The following MYO18B variants were observed in gnomAD, a reference collection of about 807,000 sequenced individuals.
The protein encoded by MYO18B is myosin XVIIIB.
In MYO18B, 204 loss-of-function variants were observed where a neutral mutation model predicts 273.0. That is an observed-to-expected ratio of 0.75 (90% CI 0.67 to 0.84). The LOEUF (loss-of-function observed/expected upper bound fraction) is 0.84, where lower values mean the gene tolerates loss of function less well. Ranked by LOEUF, MYO18B falls within the 40% of genes least tolerant of loss-of-function variation. The probability of loss-of-function intolerance (pLI) is 0.00; values close to 1 mark genes in which losing one functional copy is unlikely to be tolerated. For synonymous variants in MYO18B, 1,330 were observed against 1,305.7 expected (o/e 1.02, Z -0.40); for missense variants, 3,212 against 3,287.6 (o/e 0.98, Z 0.56).
At chr22:25,918,429 C>A (rs1229987283) in intron 33 of MYO18B, among the ~76,000 whole-genome samples, 1 of 152,234 alleles carries the variant, frequency 6.6e-6, no homozygotes, top group Non-Finnish European at 1.5e-5. Context: ...TAATTATTCA[C>A]CATCTTTATC....
At chr22:25,755,911 T>C (rs530011922) in intron 1 of MYO18B, among the ~76,000 whole-genome samples, 42 of 152,064 alleles carry the variant, frequency 2.8e-4, no homozygotes, top group South Asian at 1.2e-3. Flanking sequence ...TTCTTTCTTT[T>C]TTTTTTCTTT....
At chr22:26,056,556 C>A in the MYO18B span, among the ~76,000 whole-genome samples, 1 of 152,332 alleles carries the variant, frequency 6.6e-6, no homozygotes, top group East Asian at 1.9e-4. Flanking sequence ...TCAATTTGAG[C>A]CACAAGAATC....
At chr22:26,004,217 A>C (rs1934229592) in intron 41 of MYO18B, among the ~76,000 whole-genome samples, 1 of 151,778 alleles carries the variant, frequency 6.6e-6, no homozygotes, top group African/African-American at 2.4e-5. Context: ...ACCTGTGACG[A>C]CCCCCTCTCT....
chr22:25,893,171 C>T lies in MYO18B; in HGVS notation c.4543+1759C>T, dbSNP rs575730033. On this transcript the variant is annotated intron_variant, in intron 27 of 43. Coordinates refer to ENST00000335473, the MANE Select transcript of MYO18B (RefSeq NM_032608.7). Reference sequence around the variant, plus strand: ...TTTTAATCATATCATCGCAGTGGTACCACAACCACCTCTATGGTTCAAGAT... The same window carrying T: ...TTTTAATCATATCATCGCAGTGGTATCACAACCACCTCTATGGTTCAAGAT... Among the ~76,000 whole-genome samples, 3 of 152,208 alleles carry T rather than the reference C, an allele frequency of 2.0e-5. No homozygotes were observed. The South Asian group carries it at 6.2e-4, about 32-fold the overall frequency.
intron 12 of MYO18B, among the ~76,000 whole-genome samples, chr22:25,804,724 G>A (rs538909687): frequency 6.6e-6 from 1 of 152,224 alleles, no homozygotes; most frequent in Non-Finnish European, 1.5e-5. Flanking sequence ...CAGGGCAACT[G>A]TACTTTGCTC....
rs1402140158 is a variant in MYO18B, at chr22:25,758,571, A to G, written c.-109-2413A>G. Among the ~76,000 whole-genome samples the G allele has an allele frequency of 5.9e-5, 9 of 152,156 alleles. No individual in the cohort carries two copies. In the South Asian group the frequency reaches 8.3e-4, roughly 14 times the overall value. On this transcript the variant is annotated intron_variant, in intron 1 of 43. Coordinates refer to ENST00000335473, the MANE Select transcript of MYO18B (RefSeq NM_032608.7). ...CACACAGGAGCGTGGATGAATGTCA[A>G]AAACATGCAAAGTGAAAGCGGCCAG...
intron 34 of MYO18B, among the ~76,000 whole-genome samples, 163 bp downstream of exon 34, chr22:25,921,572 G>C (rs1358410970): frequency 1.3e-5 from 2 of 152,148 alleles, no homozygotes; most frequent in Non-Finnish European, 2.9e-5. Context: ...AGGGTCATGT[G>C]GAGTGTAGGT....
At position 25,828,825 on chromosome 22, in the gene MYO18B, T is replaced by A; in HGVS notation, c.2836T>A (p.Ser946Thr). The stretch of plus-strand genomic sequence containing the variant: ...CATGGCCTCCATCATGGTGGTGGAC[T>A]CTCCAGGCTTCCAGAACCCCCGGCA... ...LSMASIMVVD[S>T]PGFQNPRHQG... is the part of the protein sequence containing the mutation. Residue 946 changes from serine to threonine, a missense_variant, in exon 15 of 44, where the codon TCT becomes ACT. By Grantham distance (58) the Ser-to-Thr change is moderately conservative. Transcript: ENST00000335473. 1 of 1,613,894 alleles carries A rather than the reference T, an allele frequency of 6.2e-7. No homozygotes were observed. The highest frequency in any genetic ancestry group is 8.5e-7 in the Non-Finnish European group (1 of 1,179,874).
chr22:26,053,263 C>T, the MYO18B span, among the ~76,000 whole-genome samples: 3 of 152,190 alleles, frequency 2.0e-5, no homozygotes, highest in Middle Eastern at 3.2e-3. Context: ...TCATCATCAA[C>T]CATCCTCATC....
chr22:25,796,405 C>A (rs1358459199), intron 11 of MYO18B, among the ~76,000 whole-genome samples: 2 of 151,584 alleles, frequency 1.3e-5, no homozygotes, highest in East Asian at 3.9e-4. Context: ...GGCAACATAG[C>A]GAGACCCCAT....
At chr22:25,825,016 G>C (rs566072093) in intron 13 of MYO18B, among the ~76,000 whole-genome samples, 13 of 151,924 alleles carry the variant, frequency 8.6e-5, no homozygotes, top group African/African-American at 2.9e-4. Context: ...CATGTGCACA[G>C]ATATATATAT....
chr22:25,987,414 G>A (rs1441796536), intron 39 of MYO18B, among the ~76,000 whole-genome samples: 3 of 152,116 alleles, frequency 2.0e-5, no homozygotes, highest in Admixed American at 1.3e-4. Flanking sequence ...AGGTCGGCAA[G>A]TATGCATATT....
the MYO18B span, among the ~76,000 whole-genome samples, chr22:26,046,201 A>C: frequency 6.6e-6 from 1 of 152,312 alleles, no homozygotes; most frequent in South Asian, 2.1e-4. Flanking sequence ...AAAATACAGC[A>C]ACTGTCAAAA....
chr22:25,873,902 A>G (rs1208061144), intron 22 of MYO18B, among the ~76,000 whole-genome samples: 1 of 152,168 alleles, frequency 6.6e-6, no homozygotes, highest in Non-Finnish European at 1.5e-5. Flanking sequence ...TGCACAGAAC[A>G]GTTTAGGCAA....
intron 39 of MYO18B, among the ~76,000 whole-genome samples, chr22:25,979,752 C>A (rs962970404): frequency 6.6e-6 from 1 of 152,102 alleles, no homozygotes; most frequent in Non-Finnish European, 1.5e-5. Context: ...GACTGAAAAA[C>A]CCAAGGTAGA....
At chr22:25,862,836 A>G (rs1018615977) in intron 21 of MYO18B, among the ~76,000 whole-genome samples, 1 of 140,342 alleles carries the variant, frequency 7.1e-6, no homozygotes, top group Non-Finnish European at 1.5e-5. Flanking sequence ...GGATGCATAG[A>G]CTTTTTTTTT....
intron 39 of MYO18B, among the ~76,000 whole-genome samples, chr22:25,985,077 G>C (rs921042958): frequency 1.3e-5 from 2 of 152,190 alleles, no homozygotes; most frequent in African/African-American, 4.8e-5. Context: ...TGGGACCTTT[G>C]ATGAGTCTCT....
At chr22:26,044,435 T>C in the MYO18B span, among the ~76,000 whole-genome samples, 2 of 152,262 alleles carry the variant, frequency 1.3e-5, no homozygotes, top group Admixed American at 1.3e-4. Flanking sequence ...CTCATCTTTT[T>C]CTTCCAGCAT....
intron 39 of MYO18B, among the ~76,000 whole-genome samples, chr22:25,978,983 T>C (rs1347218889): frequency 3.3e-5 from 5 of 152,142 alleles, no homozygotes; most frequent in Admixed American, 2.6e-4. Flanking sequence ...TAGGAGATGA[T>C]GATGAAGACT....
Sources: allele counts gnomAD v4.1 joint callset (sites outside exome capture counted in the v4.1 genomes callset), GRCh38; gene constraint gnomAD v4.1.1; transcripts MANE v1.5; gene names NCBI Gene and HGNC (gene_info 2026-07-23, HGNC 2026-07-21).